Variants in PCCA observed in about 807,000 individuals in gnomAD.
PCCA encodes the protein propionyl-CoA carboxylase alpha chain, mitochondrial.
In PCCA, 74 loss-of-function variants were observed where a neutral mutation model predicts 101.3. The observed-to-expected ratio is 0.73, with a 90% CI of 0.61 to 0.89. The LOEUF is 0.89. Among genes scored for constraint, PCCA ranks in the 40% least tolerant of loss-of-function variants. The probability of loss-of-function intolerance (pLI) is 0.00; values close to 1 mark genes in which losing one functional copy is unlikely to be tolerated. For missense variants in PCCA, 891 were observed against 907.0 expected, an observed-to-expected ratio of 0.98 and a Z score of 0.23; for synonymous variants, 294 against 313.6, an observed-to-expected ratio of 0.94 and a Z score of 0.66.
chr13:100,413,064 G>A (rs2152873556), intron 19 of PCCA, among the ~76,000 whole-genome samples: 1 of 152,284 alleles, frequency 6.6e-6, no homozygotes, highest in East Asian at 1.9e-4. Flanking sequence ...AAAACAGAAT[G>A]CAAACCTGCT....
chr13:100,332,500 G>T (rs900302201), intron 17 of PCCA, among the ~76,000 whole-genome samples: 3 of 151,718 alleles, frequency 2.0e-5, no homozygotes, highest in Non-Finnish European at 4.4e-5. Flanking sequence ...GCATGTATGG[G>T]TATTTATATA....
At chr13:100,469,308 C>T (rs1566391634) in intron 21 of PCCA, among the ~76,000 whole-genome samples, 1 of 151,194 alleles carries the variant, frequency 6.6e-6, no homozygotes, top group Non-Finnish European at 1.5e-5. Context: ...AAAGCAGGTA[C>T]TTTTGGCAAA....
intron 21 of PCCA, among the ~76,000 whole-genome samples, chr13:100,458,137 A>C (rs1034533644): frequency 6.6e-6 from 1 of 152,052 alleles, no homozygotes; most frequent in Non-Finnish European, 1.5e-5. Flanking sequence ...TAAACTTTCA[A>C]TCCAAGCATA....
intron 6 of PCCA, among the ~76,000 whole-genome samples, chr13:100,181,846 A>T (rs1442828748): frequency 6.8e-6 from 1 of 145,990 alleles, no homozygotes; most frequent in Non-Finnish European, 1.5e-5. Context: ...GCTTACTGCA[A>T]CCTCTGCCTC....
intron 6 of PCCA, among the ~76,000 whole-genome samples, chr13:100,179,800 A>G (rs1415600284): frequency 6.6e-6 from 1 of 152,008 alleles, no homozygotes; most frequent in Non-Finnish European, 1.5e-5. Context: ...GGTGCCAAGA[A>G]GGTTGTGACA....
chr13:100,358,996 C>T (rs1175604748), intron 18 of PCCA, among the ~76,000 whole-genome samples: 1 of 149,382 alleles, frequency 6.7e-6, no homozygotes, highest in African/African-American at 2.5e-5. Context: ...ACTAGGGAGG[C>T]TGAGGCAGGA....
At chr13:100,308,616 G>A (rs978299107) in intron 15 of PCCA, among the ~76,000 whole-genome samples, 7 of 152,134 alleles carry the variant, frequency 4.6e-5, no homozygotes, top group Non-Finnish European at 7.3e-5. Context: ...GTGAGCCACC[G>A]TGGTTGGCCT....
At chr13:100,302,852 G>T (rs759776970) in intron 13 of PCCA, 72 bp from the exon 14 acceptor site, 1 of 858,866 alleles carries the variant, frequency 1.2e-6, no homozygotes, top group Non-Finnish European at 2.0e-6. Flanking sequence ...GTTCTTCATT[G>T]TGTAAATATT....
intron 9 of PCCA, among the ~76,000 whole-genome samples, chr13:100,259,047 C>T (rs1229130905): frequency 6.6e-6 from 1 of 152,154 alleles, no homozygotes; most frequent in Non-Finnish European, 1.5e-5. Flanking sequence ...CATGCCTATG[C>T]TTGTCTTTTG....
chr13:100,324,735 A>G (rs1447672532), intron 16 of PCCA, among the ~76,000 whole-genome samples: 1 of 152,218 alleles, frequency 6.6e-6, no homozygotes, highest in Non-Finnish European at 1.5e-5. Flanking sequence ...GTATAGTTTC[A>G]TAGCCACCTA....
chr13:100,409,417 G>GT (rs377715906), intron 19 of PCCA, among the ~76,000 whole-genome samples: 17 of 152,242 alleles, frequency 1.1e-4, no homozygotes, highest in African/African-American at 3.9e-4. Flanking sequence ...GTAAGGCAGG[G>GT]TTTTATAGGG....
intron 1 of PCCA, among the ~76,000 whole-genome samples, chr13:100,099,508 A>G (rs2047083646): frequency 6.6e-6 from 1 of 151,862 alleles, no homozygotes; most frequent in Non-Finnish European, 1.5e-5. Context: ...TCGTAGAGAC[A>G]GGGTTTCACT....
chr13:100,484,945 C>T (rs1437667090), intron 21 of PCCA, among the ~76,000 whole-genome samples: 2 of 152,140 alleles, frequency 1.3e-5, no homozygotes, highest in African/African-American at 4.8e-5. Context: ...GGACCTAGGG[C>T]TGTTCTTAGA....
At chr13:100,429,688 CCT>C (rs1227451271) in intron 20 of PCCA, among the ~76,000 whole-genome samples, 1 of 151,932 alleles carries the variant, frequency 6.6e-6, no homozygotes, top group East Asian at 1.9e-4. Flanking sequence ...CTCACTGCAA[CCT>C]CTGTCTTTCG....
At chr13:100,473,360 T>C (rs745793768) in intron 21 of PCCA, 4 of 152,208 alleles carry the variant, frequency 2.6e-5, no homozygotes, top group Non-Finnish European at 5.9e-5. Context: ...ACTACAGTTT[T>C]CTCCTGCCCT....
chr13:100,106,745 G>A (rs1485466083), intron 2 of PCCA, among the ~76,000 whole-genome samples: 1 of 152,116 alleles, frequency 6.6e-6, no homozygotes, highest in Admixed American at 6.6e-5. Flanking sequence ...AGATACGAGG[G>A]ATAAAGGTGT....
chr13:100,317,856 G>T (rs1319025258), intron 16 of PCCA, among the ~76,000 whole-genome samples: 4 of 151,900 alleles, frequency 2.6e-5, no homozygotes, highest in Non-Finnish European at 5.9e-5. Context: ...CCAAAATGTT[G>T]CAATAACAGG....
In PCCA at chr13:100,501,991, G is replaced by C. The variant is rs1029822154; in HGVS notation, c.1900-13436G>C. On this transcript the variant is annotated intron_variant, in intron 21 of 23. Coordinates refer to ENST00000376285, the MANE Select transcript of PCCA (RefSeq NM_000282.4). ...CCTCCAGGCAAGTTTTGATGCTTTGGTGATTGAGAACTGCTGCTTATGCTG... is the reference window on the plus strand; with the variant it reads ...CCTCCAGGCAAGTTTTGATGCTTTGCTGATTGAGAACTGCTGCTTATGCTG... 5.3e-5 allele frequency among the ~76,000 whole-genome samples: 8 copies of C among 152,224 alleles called. No homozygotes were observed. In the South Asian group the frequency reaches 8.3e-4, roughly 16 times the overall value.
chr13:100,219,674 G>A (rs530594586), intron 7 of PCCA, among the ~76,000 whole-genome samples: 7 of 152,110 alleles, frequency 4.6e-5, no homozygotes, highest in East Asian at 3.8e-4. Flanking sequence ...TTGTTTCTCC[G>A]CTAATAATTA....
Sources: gnomAD v4.1 joint callset for allele counts (sites outside exome capture counted in the v4.1 genomes callset) on GRCh38, gnomAD v4.1.1 for gene constraint, MANE v1.5 for transcripts, NCBI Gene and HGNC (gene_info 2026-07-23, HGNC 2026-07-21) for gene names.